The following EFL1 variants were observed in gnomAD, a reference collection of about 807,000 sequenced individuals.
EFL1 encodes elongation factor-like GTPase 1.
EFL1 carries 76 observed loss-of-function variants against 126.7 expected under a neutral mutation model. The observed-to-expected ratio is 0.60, with a 90% CI of 0.50 to 0.73. The LOEUF is 0.73. EFL1 is among the 30% of genes least tolerant of loss of function. EFL1 has a pLI of 0.00. For missense variants in EFL1, 1,128 were observed against 1,343.2 expected, an observed-to-expected ratio of 0.84 and a Z score of 2.50; for synonymous variants, 410 against 448.4, an observed-to-expected ratio of 0.91 and a Z score of 1.08.
In EFL1 at chr15:82,188,733, T is replaced by C. The variant is rs1454361559; in HGVS notation, c.1751-24749A>G. 2.6e-5 allele frequency among the ~76,000 whole-genome samples: 4 copies of C among 152,156 alleles called. No homozygotes were observed. In the South Asian group the frequency reaches 8.3e-4, roughly 31 times the overall value. ...TAAGCTTGAGAAACTATATAAACACTTAGTTGGCTTAACCTGTTCACATTA... is the reference window on the plus strand; with the variant it reads ...TAAGCTTGAGAAACTATATAAACACCTAGTTGGCTTAACCTGTTCACATTA... On this transcript the variant is annotated intron_variant, in intron 15 of 19. Coordinates refer to ENST00000268206, the MANE Select transcript of EFL1 (RefSeq NM_024580.6).
intron 15 of EFL1, among the ~76,000 whole-genome samples, chr15:82,207,307 T>TATATATATACAC (rs141904056): frequency 2.1e-5 from 3 of 145,418 alleles, no homozygotes; most frequent in African/African-American, 7.7e-5. Flanking sequence ...TATATATATA[T>TATATATATACAC]ACACACACAC....
chr15:82,239,744 C>G (rs912481256), intron 6 of EFL1, among the ~76,000 whole-genome samples: 3 of 152,286 alleles, frequency 2.0e-5, no homozygotes, highest in Admixed American at 6.5e-5. Context: ...TATGACTTTG[C>G]CCATCGTATT....
intron 12 of EFL1, among the ~76,000 whole-genome samples, chr15:82,224,938 C>T (rs983044427): frequency 6.6e-6 from 1 of 152,330 alleles, no homozygotes; most frequent in East Asian, 1.9e-4. Flanking sequence ...ACTTACATCA[C>T]TTCAATTCAA....
chr15:82,145,984 T>C (rs2073841590), intron 18 of EFL1, among the ~76,000 whole-genome samples: 2 of 146,212 alleles, frequency 1.4e-5, no homozygotes, highest in Non-Finnish European at 3.0e-5. Flanking sequence ...AAGGAAAAAA[T>C]ACAAAAAGAA....
intron 15 of EFL1, among the ~76,000 whole-genome samples, chr15:82,196,056 C>T (rs927321877): frequency 1.3e-5 from 2 of 152,106 alleles, no homozygotes; most frequent in Non-Finnish European, 1.5e-5. Flanking sequence ...GAAGAGACAG[C>T]GTGTACCGAG....
At chr15:82,177,996 CTG>C (rs1232550511) in intron 15 of EFL1, among the ~76,000 whole-genome samples, 1 of 152,162 alleles carries the variant, frequency 6.6e-6, no homozygotes, top group Admixed American at 6.5e-5. Flanking sequence ...CCCAAAAATA[CTG>C]TGAGGTAAGA....
chr15:82,158,728 G>A (rs1275698547), intron 16 of EFL1, among the ~76,000 whole-genome samples: 1 of 152,158 alleles, frequency 6.6e-6, no homozygotes, highest in Admixed American at 6.5e-5. Context: ...TATAAAAGTC[G>A]ATTAACTGGG....
At chr15:82,208,757 C>T (rs2074552466) in intron 15 of EFL1, among the ~76,000 whole-genome samples, 1 of 151,574 alleles carries the variant, frequency 6.6e-6, no homozygotes, top group South Asian at 2.1e-4. Context: ...GCTAAGAATG[C>T]ATCAATAAAA....
intron 15 of EFL1, among the ~76,000 whole-genome samples, chr15:82,185,437 C>T (rs1043555143): frequency 6.6e-6 from 1 of 151,624 alleles, no homozygotes; most frequent in South Asian, 2.1e-4. Flanking sequence ...ACAAAAAATC[C>T]AACTTGTAAA....
intron 16 of EFL1, among the ~76,000 whole-genome samples, chr15:82,158,678 C>A (rs77341284): frequency 0.067 from 10,136 of 152,232 alleles, 501 homozygotes; most frequent in African/African-American, 0.12. Flanking sequence ...CAAACAAAAT[C>A]ACAGGAACTT....
intron 15 of EFL1, among the ~76,000 whole-genome samples, chr15:82,214,297 A>G (rs1304608097): frequency 6.6e-6 from 1 of 152,258 alleles, no homozygotes; most frequent in Non-Finnish European, 1.5e-5. Context: ...TAGCAAAGCA[A>G]TATTCAAAGG....
Position 82,219,809 on chromosome 15 carries a change from T to G in EFL1, c.1454A>C (p.Gln485Pro), listed in dbSNP as rs1180674876. 3 of 1,605,184 alleles carry G rather than the reference T, an allele frequency of 1.9e-6. No individual in the cohort carries two copies. Among genetic ancestry groups the G allele is most frequent in the Non-Finnish European group, 2.5e-6 (3 of 1,177,798 alleles). Reference sequence around the variant, plus strand: ...TTTAGGGGTCATACTTTCCACCTGTTGCTCGTCACCTGACAGAAACAAAAA... The same window carrying G: ...TTTAGGGGTCATACTTTCCACCTGTGGCTCGTCACCTGACAGAAACAAAAA... ...PKGEEPRGDE[Q>P]QVESMTPKPV... The change falls in exon 14 of 20, where the codon CAA becomes CCA. Residue 485 changes from glutamine (Q) to proline (P), a missense_variant. By Grantham distance (76) the Gln-to-Pro change is moderately conservative. Coordinates refer to ENST00000268206, the MANE Select transcript of EFL1 (RefSeq NM_024580.6).
At chr15:82,228,054 G>A (rs2141312649) in intron 10 of EFL1, 137 bp downstream of exon 10, 2 of 1,096,562 alleles carry the variant, frequency 1.8e-6, no homozygotes, top group East Asian at 5.3e-5. Flanking sequence ...CAGTTTCATG[G>A]TAGAACACTA....
chr15:82,135,638 T>A (rs2073712626), intron 19 of EFL1, among the ~76,000 whole-genome samples: 1 of 152,212 alleles, frequency 6.6e-6, no homozygotes, highest in African/African-American at 2.4e-5. Context: ...AAATTTTATT[T>A]ATCAAAACAG....
rs112245388 is a variant in EFL1 at position 82,211,262 on chromosome 15, C to G, written c.1750+3455G>C. 3.5e-4 allele frequency among the ~76,000 whole-genome samples: 53 copies of G among 151,538 alleles called. 1 individual carries two copies. The highest frequency in any genetic ancestry group is 1.2e-3 in the African/African-American group (50 of 41,296). On this transcript the variant is annotated intron_variant, in intron 15 of 19. Coordinates refer to ENST00000268206, the MANE Select transcript of EFL1 (RefSeq NM_024580.6). ...AGACTCTCGGCTGGGCGCGGTAGCTCATGTCTGTAATCCCAGCACGTTGGG... is the reference window on the plus strand; with the variant it reads ...AGACTCTCGGCTGGGCGCGGTAGCTGATGTCTGTAATCCCAGCACGTTGGG...
At chr15:82,255,638 TA>T (rs1165357226) in intron 3 of EFL1, among the ~76,000 whole-genome samples, 1 of 152,204 alleles carries the variant, frequency 6.6e-6, no homozygotes, top group Non-Finnish European at 1.5e-5. Context: ...AGCTTTTAAA[TA>T]AAAATGTCTT....
At chr15:82,171,216 G>A (rs2074131987) in intron 15 of EFL1, among the ~76,000 whole-genome samples, 1 of 152,194 alleles carries the variant, frequency 6.6e-6, no homozygotes, top group African/African-American at 2.4e-5. Flanking sequence ...AAAACTAGAG[G>A]AGGGCACCTT....
rs544725021 is a variant in EFL1, at chr15:82,151,182, C to T, written c.2989+283G>A. On this transcript the variant is annotated intron_variant, in intron 18 of 19. Transcript: ENST00000268206. ...GGTGGATCACTTGAACTCAGGAGTTCGAGACCAACCTGGGCAACGTTGCGA... is the reference window on the plus strand; with the variant it reads ...GGTGGATCACTTGAACTCAGGAGTTTGAGACCAACCTGGGCAACGTTGCGA... Among the ~76,000 whole-genome samples the T allele has an allele frequency of 2.0e-5, 3 of 152,160 alleles. No homozygotes were observed. In the South Asian group the frequency reaches 6.2e-4, roughly 32 times the overall value.
intron 18 of EFL1, among the ~76,000 whole-genome samples, chr15:82,142,892 T>G (rs114836938): frequency 0.012 from 1,854 of 152,338 alleles, 32 homozygotes; most frequent in African/African-American, 0.042. Context: ...CAAAAATTAC[T>G]TGTTCCATGA....
Sources: gnomAD v4.1 joint callset for allele counts (sites outside exome capture counted in the v4.1 genomes callset) on GRCh38, gnomAD v4.1.1 for gene constraint, MANE v1.5 for transcripts, NCBI Gene and HGNC (gene_info 2026-07-23, HGNC 2026-07-21) for gene names.